The following ADK variants were observed in gnomAD, a reference collection of about 807,000 sequenced individuals.
The protein encoded by ADK is adenosine kinase.
ADK carries 24 observed loss-of-function variants against 44.7 expected under a neutral mutation model. The ratio of observed to expected loss-of-function variants is 0.54; its 90% CI spans 0.39 to 0.76. The LOEUF (loss-of-function observed/expected upper bound fraction) is 0.76, where lower values mean the gene tolerates loss of function less well. ADK is among the 30% of genes least tolerant of loss of function. The pLI is 0.00. For synonymous variants in ADK, 128 were observed against 142.6 expected (o/e 0.90, Z 0.73); for missense variants, 321 against 425.1 (o/e 0.76, Z 2.15).
At chr10:74,376,777 CTTTT>C (rs35675013) in intron 4 of ADK, among the ~76,000 whole-genome samples, 1 of 135,374 alleles carries the variant, frequency 7.4e-6, no homozygotes, top group Non-Finnish European at 1.6e-5. Flanking sequence ...TCTCTCTCGT[CTTTT>C]TTTTTTTTTT....
intron 1 of ADK, among the ~76,000 whole-genome samples, chr10:74,156,234 A>C (rs1226288833): frequency 6.6e-6 from 1 of 152,238 alleles, no homozygotes; most frequent in Non-Finnish European, 1.5e-5. Flanking sequence ...TTTTGGGTAC[A>C]GGCCTAGACT....
At chr10:74,505,105 AG>A (rs1848014106) in intron 6 of ADK, among the ~76,000 whole-genome samples, 1 of 152,112 alleles carries the variant, frequency 6.6e-6, no homozygotes, top group Admixed American at 6.5e-5. Context: ...ATGATGAAGG[AG>A]GTGGAAAGGA....
chr10:74,279,021 C>G (rs1224043368), intron 3 of ADK, among the ~76,000 whole-genome samples: 2 of 152,196 alleles, frequency 1.3e-5, no homozygotes, highest in Non-Finnish European at 2.9e-5. Flanking sequence ...TGGCTCACGC[C>G]TGTAATCCCA....
chr10:74,260,088 A>C (rs1337945453), intron 3 of ADK, among the ~76,000 whole-genome samples: 2 of 152,094 alleles, frequency 1.3e-5, no homozygotes, highest in Non-Finnish European at 2.9e-5. Flanking sequence ...ATATGTGTAC[A>C]TGGTTAACAA....
At chr10:74,630,395 T>A (rs921953172) in intron 9 of ADK, among the ~76,000 whole-genome samples, 2 of 152,012 alleles carry the variant, frequency 1.3e-5, no homozygotes, top group Non-Finnish European at 2.9e-5. Context: ...TCATATTCTT[T>A]TATTCTGTTA....
intron 6 of ADK, among the ~76,000 whole-genome samples, chr10:74,503,852 G>A (rs979968079): frequency 6.6e-6 from 1 of 151,972 alleles, no homozygotes; most frequent in Non-Finnish European, 1.5e-5. Context: ...TTTTTTACTC[G>A]CCATATTTTA....
intron 4 of ADK, among the ~76,000 whole-genome samples, chr10:74,324,831 A>G (rs573162643): frequency 6.6e-6 from 1 of 152,194 alleles, no homozygotes; most frequent in African/African-American, 2.4e-5. Flanking sequence ...CCTGTTTTCC[A>G]TAATGGCTGT....
chr10:74,519,200 C>G (rs1177605236), intron 6 of ADK, among the ~76,000 whole-genome samples: 3 of 151,800 alleles, frequency 2.0e-5, no homozygotes, highest in African/African-American at 7.3e-5. Flanking sequence ...ACCTATTTTA[C>G]ATATATACCA....
At chr10:74,507,125 A>G (rs6480739) in intron 6 of ADK, among the ~76,000 whole-genome samples, 110,519 of 151,986 alleles carry the variant, frequency 0.73, 40,919 homozygotes, top group Middle Eastern at 0.86. Flanking sequence ...TGGACTTAAC[A>G]TTAAACAGGA....
intron 3 of ADK, among the ~76,000 whole-genome samples, chr10:74,306,582 T>C (rs1486077401): frequency 6.6e-6 from 1 of 152,238 alleles, no homozygotes; most frequent in Non-Finnish European, 1.5e-5. Flanking sequence ...ACACTTTATA[T>C]GCAAATTGTA....
chr10:74,549,081 T>C (rs1272979450), intron 7 of ADK, among the ~76,000 whole-genome samples: 1 of 152,228 alleles, frequency 6.6e-6, no homozygotes, highest in Non-Finnish European at 1.5e-5. Flanking sequence ...CAATTTATAA[T>C]TCAATTATTC....
chr10:74,705,788 C>G (rs116340911), intron 10 of ADK, among the ~76,000 whole-genome samples: 1 of 152,216 alleles, frequency 6.6e-6, no homozygotes, highest in East Asian at 1.9e-4. Flanking sequence ...CACACCCTTG[C>G]CAACACTTGT....
At chr10:74,599,536 G>A (rs1852044930) in intron 8 of ADK, among the ~76,000 whole-genome samples, 1 of 152,138 alleles carries the variant, frequency 6.6e-6, no homozygotes, top group African/African-American at 2.4e-5. Context: ...GAATAAACTA[G>A]TTTTGTTAGC....
chr10:74,301,513 CAAAAAAAA>C (rs34310248), intron 3 of ADK, among the ~76,000 whole-genome samples: 1 of 56,716 alleles, frequency 1.8e-5, no homozygotes. Context: ...GACTCTGTCT[CAAAAAAAA>C]AAAAAAAAAA....
intron 7 of ADK, among the ~76,000 whole-genome samples, chr10:74,572,579 A>T (rs1188135211): frequency 6.6e-6 from 1 of 152,142 alleles, no homozygotes; most frequent in African/African-American, 2.4e-5. Context: ...GTTCTCCTGG[A>T]TAATATCCTG....
intron 4 of ADK, chr10:74,371,680 T>C: frequency 2.7e-6 from 3 of 1,124,052 alleles, no homozygotes; most frequent in Non-Finnish European, 4.0e-6. Context: ...ATCCACATCG[T>C]AAATCTGAAG....
intron 6 of ADK, among the ~76,000 whole-genome samples, chr10:74,422,269 AT>A (rs1844582429): frequency 6.6e-6 from 1 of 152,224 alleles, no homozygotes; most frequent in Non-Finnish European, 1.5e-5. Flanking sequence ...ATCCCAACTG[AT>A]GGACATTCTA....
chr10:74,463,924 C>T (rs1239057833), intron 6 of ADK, among the ~76,000 whole-genome samples: 1 of 152,044 alleles, frequency 6.6e-6, no homozygotes, highest in African/African-American at 2.4e-5. Flanking sequence ...TGAAAACATA[C>T]AGAGCCTAAA....
At chr10:74,225,411 G>A (rs1486237737) in intron 3 of ADK, among the ~76,000 whole-genome samples, 1 of 152,108 alleles carries the variant, frequency 6.6e-6, no homozygotes, top group Non-Finnish European at 1.5e-5. Flanking sequence ...AACTCAGGTC[G>A]CTCTTGGTTT....
Sources: gnomAD v4.1 joint callset for allele counts (sites outside exome capture counted in the v4.1 genomes callset) on GRCh38, gnomAD v4.1.1 for gene constraint, MANE v1.5 for transcripts, NCBI Gene and HGNC (gene_info 2026-07-23, HGNC 2026-07-21) for gene names.